The following GLCCI1 variants were observed in gnomAD, a reference collection of about 807,000 sequenced individuals.
GLCCI1 encodes glucocorticoid-induced transcript 1 protein.
GLCCI1 carries 24 observed loss-of-function variants against 52.2 expected under a neutral mutation model. That is an observed-to-expected ratio of 0.46 (90% CI 0.33 to 0.65). The LOEUF is 0.65. Among genes scored for constraint, GLCCI1 ranks in the 30% least tolerant of loss-of-function variants. The probability of loss-of-function intolerance (pLI) is 0.02; values close to 1 mark genes in which losing one functional copy is unlikely to be tolerated. For missense variants in GLCCI1, 704 were observed against 701.5 expected (o/e 1.00, Z -0.04); for synonymous variants, 310 against 276.5 (o/e 1.12, Z -1.20).
In GLCCI1 at chr7:8,053,585, A is replaced by T. The variant is rs541946948; in HGVS notation, c.697-1848A>T. ...GCTGATCCACCTGCCTCAGCCTCCC[A>T]GAGTGCTGGGATTACAGGTGTGAGC... is the stretch of plus-strand genomic sequence containing the variant. On this transcript the variant is annotated intron_variant, in intron 3 of 7. Coordinates refer to ENST00000223145, the MANE Select transcript of GLCCI1 (RefSeq NM_138426.4). 4.7e-5 allele frequency among the ~76,000 whole-genome samples: 7 copies of T among 150,484 alleles called. No individual in the cohort carries two copies. In the South Asian group the frequency reaches 1.5e-3, roughly 32 times the overall value.
chr7:8,002,126 T>C (rs1454898506), intron 1 of GLCCI1, among the ~76,000 whole-genome samples: 2 of 152,108 alleles, frequency 1.3e-5, no homozygotes, highest in Non-Finnish European at 2.9e-5. Context: ...GGAATCTATA[T>C]GTGCTAAATA....
At chr7:8,044,552 G>A (rs949513917) in intron 3 of GLCCI1, among the ~76,000 whole-genome samples, 2 of 151,886 alleles carry the variant, frequency 1.3e-5, no homozygotes, top group African/African-American at 2.4e-5. Context: ...TGTATTTTTT[G>A]TAGAGACAAT....
intron 2 of GLCCI1, among the ~76,000 whole-genome samples, chr7:8,014,329 G>A (rs1268188107): frequency 6.6e-6 from 1 of 152,096 alleles, no homozygotes; most frequent in African/African-American, 2.4e-5. Flanking sequence ...TAATGGTAAT[G>A]TATCTAGTTT....
intron 3 of GLCCI1, among the ~76,000 whole-genome samples, chr7:8,027,302 A>G (rs755954169): frequency 5.9e-5 from 9 of 152,356 alleles, no homozygotes; most frequent in Middle Eastern, 6.8e-3. Flanking sequence ...AGCCTGGCCA[A>G]CATGGTGAAA....
rs1782415272 is a variant in GLCCI1 at position 8,057,119 on chromosome 7, T to C, written c.813+1570T>C. Among the ~76,000 whole-genome samples, 6 of 152,338 alleles carry C rather than the reference T, an allele frequency of 3.9e-5. No homozygotes were observed. In the South Asian group the frequency reaches 1.2e-3, roughly 32 times the overall value. On this transcript the variant is annotated intron_variant, in intron 4 of 7. Coordinates refer to ENST00000223145, the MANE Select transcript of GLCCI1 (RefSeq NM_138426.4). ...TGGTGGGAACACAAAAAGGTACAAC[T>C]ACTTTGGCAAACATTTTGTCATTTT...
intron 3 of GLCCI1, among the ~76,000 whole-genome samples, chr7:8,023,270 C>T (rs1781533044): frequency 6.6e-6 from 1 of 152,140 alleles, no homozygotes; most frequent in Admixed American, 6.6e-5. Context: ...CCGCCTTGGC[C>T]TCCCAAAGTG....
At chr7:8,046,775 C>T (rs886398168) in intron 3 of GLCCI1, among the ~76,000 whole-genome samples, 2 of 152,156 alleles carry the variant, frequency 1.3e-5, no homozygotes, top group Admixed American at 6.5e-5. Context: ...ATGTTCTCCT[C>T]AGGGCTGTGA....
intron 2 of GLCCI1, among the ~76,000 whole-genome samples, chr7:8,013,417 C>G (rs1781309884): frequency 6.6e-6 from 1 of 152,062 alleles, no homozygotes; most frequent in Non-Finnish European, 1.5e-5. Context: ...TCTGGCTTCT[C>G]TATGCTATAC....
intron 5 of GLCCI1, among the ~76,000 whole-genome samples, chr7:8,061,778 C>T (rs1297682515): frequency 1.3e-5 from 2 of 149,792 alleles, no homozygotes; most frequent in East Asian, 2.0e-4. Flanking sequence ...GTGGTTCTCC[C>T]GCCTCAGCCT....
chr7:8,004,688 T>C (rs919185278), intron 2 of GLCCI1, among the ~76,000 whole-genome samples: 2 of 152,166 alleles, frequency 1.3e-5, no homozygotes, highest in Admixed American at 6.5e-5. Flanking sequence ...ACTAAAAATA[T>C]AAGAGATAGT....
At position 7,969,275 on chromosome 7, in the gene GLCCI1, G is replaced by T. The variant is rs1407979657; in HGVS notation, c.-76G>T. On this transcript the variant is annotated 5_prime_UTR_variant, in exon 1 of 8. Coordinates refer to ENST00000223145, the MANE Select transcript of GLCCI1 (RefSeq NM_138426.4). The surrounding 1 kb of genome is among the most constrained non-coding windows in gnomAD (Gnocchi z 4.9). Reference sequence around the variant, plus strand: ...ACACACTCGCACGCACTATCGCGCCGGCTCCCACACGCTCGCGCGCCTCCC... The same window carrying T: ...ACACACTCGCACGCACTATCGCGCCTGCTCCCACACGCTCGCGCGCCTCCC... 2.6e-6 allele frequency: 3 copies of T among 1,134,302 alleles called. No individual in the cohort carries two copies. Among genetic ancestry groups the T allele is most frequent in the South Asian group, 3.5e-5 (2 of 56,400 alleles). 70.3% of individuals were successfully genotyped at this position (1,134,302 alleles called of 1,614,324 possible).
chr7:8,016,019 C>T (rs1781370197), intron 2 of GLCCI1, among the ~76,000 whole-genome samples: 1 of 152,234 alleles, frequency 6.6e-6, no homozygotes. Flanking sequence ...AACACTCTTA[C>T]TCTGGTCCCC....
intron 6 of GLCCI1, among the ~76,000 whole-genome samples, chr7:8,078,050 C>A (rs1006311567): frequency 1.3e-5 from 2 of 151,558 alleles, no homozygotes; most frequent in Non-Finnish European, 1.5e-5. Context: ...CTGGCTAACA[C>A]GGTGAAACCC....
In GLCCI1 at chr7:7,969,632, C is replaced by A. The variant is rs1053762973; in HGVS notation, c.282C>A (p.Ser94Arg). 68 of 1,015,056 alleles carry A rather than the reference C, an allele frequency of 6.7e-5. No individual in the cohort carries two copies. The African/African-American group carries it at 9.6e-4, about 14-fold the overall frequency. The allele number at this position is 1,015,056 out of a possible 1,614,324, so 62.9% of individuals were successfully genotyped here. A position where few individuals can be genotyped will look rare whatever the true frequency, so the allele number is the denominator to read the frequency against. ...PVAAAAASLG[S>R]LPGPGAARGP... Reference sequence around the variant, plus strand: ...CCGCTGCCGCCGCCTCGCTGGGCAGCCTCCCGGGGCCCGGCGCGGCCCGCG... The same window carrying A: ...CCGCTGCCGCCGCCTCGCTGGGCAGACTCCCGGGGCCCGGCGCGGCCCGCG... The change falls in exon 1 of 8, where the codon AGC (serine) becomes AGA (arginine). Residue 94 changes from serine to arginine, a missense_variant. Physicochemically the swap from Ser to Arg is moderately radical, Grantham distance 110. Around this residue, in one of 3 missense-constraint regions of GLCCI1, gnomAD observed 547 missense variants for 524.8 expected, o/e 1.04. Coordinates refer to ENST00000223145, the MANE Select transcript of GLCCI1 (RefSeq NM_138426.4). The surrounding 1 kb of genome is among the most constrained non-coding windows in gnomAD (Gnocchi z 4.9).
intron 1 of GLCCI1, chr7:7,980,569 G>A (rs1780592449): frequency 1.7e-6 from 1 of 598,786 alleles, no homozygotes; most frequent in African/African-American, 1.8e-5. Flanking sequence ...TACAGGGACT[G>A]GTCATGGAGG....
intron 3 of GLCCI1, 82 bp downstream of exon 3, chr7:8,022,651 TTAAAATTTATCCTAACC>T: frequency 1.3e-6 from 1 of 741,606 alleles, no homozygotes; most frequent in Non-Finnish European, 2.1e-6. Context: ...AATGACACTT[TTAAAATTTATCCTAACC>T]TTACCTCTTT....
intron 3 of GLCCI1, among the ~76,000 whole-genome samples, chr7:8,054,355 A>G (rs921910242): frequency 2.0e-5 from 3 of 152,160 alleles, no homozygotes; most frequent in South Asian, 2.1e-4. Context: ...TTGCAAGCAC[A>G]TTTTATGAGA....
At chr7:8,058,587 G>A (rs1208607558) in intron 4 of GLCCI1, among the ~76,000 whole-genome samples, 2 of 152,148 alleles carry the variant, frequency 1.3e-5, no homozygotes, top group Admixed American at 1.3e-4. Flanking sequence ...TGGGGCAATT[G>A]GATTACTGTG....
chr7:7,973,410 G>T (rs1275549850), intron 1 of GLCCI1, among the ~76,000 whole-genome samples: 2 of 130,062 alleles, frequency 1.5e-5, no homozygotes, highest in Admixed American at 1.6e-4. Flanking sequence ...AAATCTTTGT[G>T]TGCGTGTGTG....
Sources: allele counts gnomAD v4.1 joint callset (sites outside exome capture counted in the v4.1 genomes callset), GRCh38; gene constraint gnomAD v4.1.1; regional missense constraint gnomAD v4.1.1; non-coding constraint Gnocchi (gnomAD v3.1); transcripts MANE v1.5; gene names NCBI Gene and HGNC (gene_info 2026-07-23, HGNC 2026-07-21).